CAMK1D: variants seen among roughly 807,000 people sequenced by gnomAD.
The protein encoded by CAMK1D is calcium/calmodulin dependent protein kinase ID.
In CAMK1D, 9 loss-of-function variants were observed where a neutral mutation model predicts 47.7. That is an observed-to-expected ratio of 0.19 (90% CI 0.11 to 0.33). The LOEUF (loss-of-function observed/expected upper bound fraction) is 0.33, where lower values mean the gene tolerates loss of function less well. CAMK1D is among the 10% of genes least tolerant of loss of function. The pLI, the probability that CAMK1D is intolerant of heterozygous loss-of-function variation, is 1.00. For synonymous variants in CAMK1D, 184 were observed against 184.9 expected, an observed-to-expected ratio of 0.99 and a Z score of 0.04; for missense variants, 291 against 488.7, an observed-to-expected ratio of 0.60 and a Z score of 3.81.
At chr10:12,760,872 T>A (rs1481273111) in intron 3 of CAMK1D, 76 bp from the exon 4 acceptor site, 16 of 1,525,414 alleles carry the variant, frequency 1.0e-5, no homozygotes, top group Non-Finnish European at 1.1e-5. Context: ...AAGTTTGGGA[T>A]TTTTTTCACA....
At chr10:12,405,965 C>T (rs993416579) in intron 1 of CAMK1D, among the ~76,000 whole-genome samples, 5 of 152,248 alleles carry the variant, frequency 3.3e-5, no homozygotes, top group African/African-American at 4.8e-5. Context: ...AGGGCAAATG[C>T]GAGCATCTGA....
chr10:12,793,170 G>A (rs894032238), intron 6 of CAMK1D, among the ~76,000 whole-genome samples: 3 of 152,050 alleles, frequency 2.0e-5, no homozygotes, highest in African/African-American at 7.2e-5. Context: ...GCTAGGCCAG[G>A]CCTCTTCCTG....
chr10:12,434,629 C>T (rs1442070616), intron 1 of CAMK1D, among the ~76,000 whole-genome samples: 1 of 152,132 alleles, frequency 6.6e-6, no homozygotes, highest in Non-Finnish European at 1.5e-5. Flanking sequence ...GATTTAAGGA[C>T]CTAAATTAGC....
chr10:12,694,879 T>C (rs1395667796), intron 3 of CAMK1D, among the ~76,000 whole-genome samples: 1 of 151,992 alleles, frequency 6.6e-6, no homozygotes, highest in African/African-American at 2.4e-5. Flanking sequence ...AGAAACAAAC[T>C]TTAAACCTGT....
intron 1 of CAMK1D, among the ~76,000 whole-genome samples, chr10:12,517,606 T>C (rs912355162): frequency 6.6e-6 from 1 of 152,246 alleles, no homozygotes; most frequent in African/African-American, 2.4e-5. Flanking sequence ...TATTATGAAA[T>C]ACTTTTTATG....
At chr10:12,406,095 C>T (rs1839414678) in intron 1 of CAMK1D, among the ~76,000 whole-genome samples, 1 of 152,030 alleles carries the variant, frequency 6.6e-6, no homozygotes, top group African/African-American at 2.4e-5. Context: ...TAGCGGTTGG[C>T]TTGTTGGGAA....
intron 1 of CAMK1D, among the ~76,000 whole-genome samples, chr10:12,465,926 G>A (rs1833575807): frequency 6.6e-6 from 1 of 152,158 alleles, no homozygotes; most frequent in African/African-American, 2.4e-5. Flanking sequence ...GATAGGAAGA[G>A]GCCAGAAAAA....
intron 7 of CAMK1D, 46 bp from the exon 8 acceptor site, chr10:12,816,204 T>C (rs1228066977): frequency 6.5e-7 from 1 of 1,538,162 alleles, no homozygotes; most frequent in Non-Finnish European, 9.0e-7. Flanking sequence ...TTGTCACATC[T>C]CAAGTCGCAA....
chr10:12,653,019 G>C (rs1028163383), intron 2 of CAMK1D: 1 of 153,212 alleles, frequency 6.5e-6, no homozygotes, highest in Non-Finnish European at 1.5e-5. Context: ...ATTTCTTACA[G>C]TTGTGGAGGC....
At chr10:12,804,368 C>G (rs1838620707) in intron 6 of CAMK1D, among the ~76,000 whole-genome samples, 1 of 152,088 alleles carries the variant, frequency 6.6e-6, no homozygotes, top group Non-Finnish European at 1.5e-5. Flanking sequence ...AATCCCAGCA[C>G]TTTGGGAGGC....
intron 3 of CAMK1D, among the ~76,000 whole-genome samples, chr10:12,684,749 A>G (rs989265449): frequency 1.8e-4 from 27 of 151,860 alleles, no homozygotes; most frequent in Admixed American, 1.7e-3. Flanking sequence ...GAAAACACTA[A>G]GAGAATATAT....
At chr10:12,512,861 C>T (rs914110997) in intron 1 of CAMK1D, among the ~76,000 whole-genome samples, 15 of 152,272 alleles carry the variant, frequency 9.9e-5, no homozygotes, top group Admixed American at 7.8e-4. Flanking sequence ...GAAAGCAAGC[C>T]GACCACATGG....
Position 12,563,629 on chromosome 10 carries a change from A to G in CAMK1D, c.224+10273A>G, listed in dbSNP as rs1252071066. Among the ~76,000 whole-genome samples the G allele has an allele frequency of 4.7e-5, 7 of 150,130 alleles. No homozygotes were observed. The South Asian group carries it at 8.5e-4, about 18-fold the overall frequency. On this transcript the variant is annotated intron_variant, in intron 2 of 10. Transcript: ENST00000619168. ...GACCAAGTGGATGGCAGGTTCCTCA[A>G]CCAATATGGGGCATTCCAGAAGAGG...
At chr10:12,432,374 G>T (rs1240429156) in intron 1 of CAMK1D, among the ~76,000 whole-genome samples, 2 of 152,346 alleles carry the variant, frequency 1.3e-5, no homozygotes, top group Non-Finnish European at 2.9e-5. Context: ...GGCAGATCCA[G>T]CTGGGGCCTG....
intron 1 of CAMK1D, among the ~76,000 whole-genome samples, chr10:12,400,179 A>G (rs1377340030): frequency 1.3e-5 from 2 of 152,222 alleles, no homozygotes; most frequent in Non-Finnish European, 2.9e-5. Context: ...TAGGTTTTTA[A>G]CTCGGAATTT....
intron 3 of CAMK1D, among the ~76,000 whole-genome samples, chr10:12,757,852 CTTTTTTTTTTT>C (rs869125453): frequency 2.2e-4 from 20 of 91,458 alleles, no homozygotes; most frequent in African/African-American, 7.8e-4. Context: ...GGGCCCTGCT[CTTTTTTTTTTT>C]TTTTTTTTTT....
At chr10:12,554,537 T>TC in intron 2 of CAMK1D, among the ~76,000 whole-genome samples, 1 of 73,252 alleles carries the variant, frequency 1.4e-5, no homozygotes, top group African/African-American at 3.5e-5. Context: ...CATAGAACCA[T>TC]TCATTTTTTC....
intron 1 of CAMK1D, among the ~76,000 whole-genome samples, chr10:12,529,207 C>T (rs1168077338): frequency 1.3e-5 from 2 of 152,164 alleles, no homozygotes; most frequent in Non-Finnish European, 2.9e-5. Flanking sequence ...CCGCGGGGAA[C>T]ATCCGTGATG....
chr10:12,437,833 C>G (rs1832679853), intron 1 of CAMK1D, among the ~76,000 whole-genome samples: 1 of 152,182 alleles, frequency 6.6e-6, no homozygotes, highest in Admixed American at 6.5e-5. Context: ...CTCCCTGTCT[C>G]CAACCCCTGG....
Sources: allele counts gnomAD v4.1 joint callset (sites outside exome capture counted in the v4.1 genomes callset), GRCh38; gene constraint gnomAD v4.1.1; transcripts MANE v1.5; gene names NCBI Gene and HGNC (gene_info 2026-07-23, HGNC 2026-07-21).